The following ZPLD1 variants were observed in gnomAD, a reference collection of about 807,000 sequenced individuals.
ZPLD1 encodes the protein zona pellucida-like domain-containing protein 1.
Under a neutral mutation model 47.2 loss-of-function variants are expected in ZPLD1, and 34 were observed. The observed-to-expected ratio is 0.72, with a 90% confidence interval of 0.55 to 0.96. The LOEUF (loss-of-function observed/expected upper bound fraction) is 0.96, where lower values mean the gene tolerates loss of function less well. Ranked by LOEUF, ZPLD1 falls within the 40% of genes least tolerant of loss-of-function variation. The pLI is 0.00. For synonymous variants in ZPLD1, 176 were observed against 186.2 expected, an observed-to-expected ratio of 0.95 and a Z score of 0.45; for missense variants, 512 against 505.8, an observed-to-expected ratio of 1.01 and a Z score of -0.12.
At chr3:102,450,249 C>T (rs1707315556) in intron 3 of ZPLD1, among the ~76,000 whole-genome samples, 1 of 152,168 alleles carries the variant, frequency 6.6e-6, no homozygotes, top group Non-Finnish European at 1.5e-5. Context: ...AAATGCCGTA[C>T]TGAGGAATAA....
intron 7 of ZPLD1, among the ~76,000 whole-genome samples, chr3:102,399,386 TG>T (rs1706594263): frequency 6.6e-6 from 1 of 152,102 alleles, no homozygotes; most frequent in Non-Finnish European, 1.5e-5. Context: ...ACTTCAGTCA[TG>T]GGTGGCCTTC....
intron 7 of ZPLD1, among the ~76,000 whole-genome samples, chr3:102,463,943 G>C (rs985233632): frequency 6.6e-6 from 1 of 151,552 alleles, no homozygotes; most frequent in Non-Finnish European, 1.5e-5. Context: ...CCAGCTACTC[G>C]GGAGGCTGAG....
intron 7 of ZPLD1, among the ~76,000 whole-genome samples, chr3:102,408,166 C>T (rs1706712540): frequency 6.6e-6 from 1 of 151,810 alleles, no homozygotes; most frequent in Admixed American, 6.6e-5. Flanking sequence ...TTTAGTTTTG[C>T]CATCCTTACA....
chr3:102,446,915 A>T (rs185225755), intron 3 of ZPLD1, among the ~76,000 whole-genome samples: 1 of 152,338 alleles, frequency 6.6e-6, no homozygotes, highest in African/African-American at 2.4e-5. Flanking sequence ...AGAGACTGGC[A>T]CATGATATGT....
rs143580253 is a variant in ZPLD1 at position 102,439,369 on chromosome 3, G to C, written c.106+776G>C. On this transcript the variant is annotated intron_variant, in intron 3 of 11. Transcript: ENST00000466937. Reference sequence around the variant, plus strand: ...GCAAACCTGCATAGAGCAATCAGTAGGTAGTTACATAGATAAAGTGCGATT... The same window carrying C: ...GCAAACCTGCATAGAGCAATCAGTACGTAGTTACATAGATAAAGTGCGATT... Among the ~76,000 whole-genome samples the C allele has an allele frequency of 3.2e-3, 481 of 152,312 alleles. 4 individuals are homozygous for C. Among genetic ancestry groups the C allele is most frequent in the African/African-American group, 0.011 (473 of 41,564 alleles).
At chr3:102,427,520 A>G (rs1269099251) in intron 8 of ZPLD1, among the ~76,000 whole-genome samples, 1 of 152,224 alleles carries the variant, frequency 6.6e-6, no homozygotes, top group Non-Finnish European at 1.5e-5. Flanking sequence ...CTACATTCTG[A>G]TAAAGGAGGT....
chr3:102,452,198 C>G (rs1453999112), intron 3 of ZPLD1, among the ~76,000 whole-genome samples: 1 of 150,130 alleles, frequency 6.7e-6, no homozygotes, highest in Non-Finnish European at 1.5e-5. Context: ...TCACAGATAA[C>G]CCATGGAGTC....
intron 7 of ZPLD1, among the ~76,000 whole-genome samples, chr3:102,399,820 GTTTA>G (rs1004552835): frequency 6.6e-6 from 1 of 151,778 alleles, no homozygotes; most frequent in Non-Finnish European, 1.5e-5. Flanking sequence ...TTGTTTGTTT[GTTTA>G]TTTATTTATT....
rs375178477 is a variant in ZPLD1, at chr3:102,388,112, G to C, written c.-213+2795G>C. Among the ~76,000 whole-genome samples the C allele has an allele frequency of 2.0e-5, 3 of 151,832 alleles. No homozygotes were observed. In the South Asian group the frequency reaches 6.2e-4, roughly 32 times the overall value. On this transcript the variant is annotated intron_variant, in intron 6 of 17. Transcript: ENST00000491959. ...CCTGACCTCGTGATCCGCCCGCCTC[G>C]GCCTCCCAAAGTGCTGGGATTACAG...
intron 4 of ZPLD1, among the ~76,000 whole-genome samples, chr3:102,455,052 G>GCT (rs1020624439): frequency 7.2e-5 from 11 of 152,144 alleles, no homozygotes; most frequent in Non-Finnish European, 1.3e-4. Flanking sequence ...AATTAAGTTG[G>GCT]CTACTAAGTC....
At chr3:102,451,434 A>G (rs1707335479) in intron 3 of ZPLD1, among the ~76,000 whole-genome samples, 1 of 152,196 alleles carries the variant, frequency 6.6e-6, no homozygotes, top group Non-Finnish European at 1.5e-5. Flanking sequence ...TTGTTTCTAC[A>G]TGTTGAAAAC....
At chr3:102,390,586 G>A (rs1405367682) in intron 6 of ZPLD1, among the ~76,000 whole-genome samples, 1 of 152,200 alleles carries the variant, frequency 6.6e-6, no homozygotes, top group African/African-American at 2.4e-5. Flanking sequence ...AAGCCTGTCA[G>A]TTCCTCTACA....
intron 7 of ZPLD1, among the ~76,000 whole-genome samples, chr3:102,417,702 C>T (rs893538247): frequency 6.6e-6 from 1 of 151,888 alleles, no homozygotes; most frequent in Non-Finnish European, 1.5e-5. Context: ...GCATCTTTCA[C>T]GAAGCACAAC....
chr3:102,421,199 CAG>C (rs1471049827), intron 8 of ZPLD1, among the ~76,000 whole-genome samples: 2 of 151,752 alleles, frequency 1.3e-5, no homozygotes, highest in Non-Finnish European at 3.0e-5. Flanking sequence ...TGAGAAAAGC[CAG>C]AGTTACAACT....
At chr3:102,399,133 G>A (rs900804587) in intron 7 of ZPLD1, among the ~76,000 whole-genome samples, 5 of 152,066 alleles carry the variant, frequency 3.3e-5, no homozygotes, top group African/African-American at 1.2e-4. Flanking sequence ...TTTCTTGCGT[G>A]GACTGCTGCA....
intron 6 of ZPLD1, among the ~76,000 whole-genome samples, chr3:102,459,951 C>T (rs1707480700): frequency 6.6e-6 from 1 of 152,006 alleles, no homozygotes; most frequent in African/African-American, 2.4e-5. Flanking sequence ...CTCATCATTG[C>T]TGTATAATAC....
At chr3:102,436,565 C>A (rs1233042002) in intron 1 of ZPLD1, among the ~76,000 whole-genome samples, 1 of 152,140 alleles carries the variant, frequency 6.6e-6, no homozygotes, top group African/African-American at 2.4e-5. Context: ...ACTTTACTAT[C>A]AGAAAGACTT....
intron 6 of ZPLD1, among the ~76,000 whole-genome samples, chr3:102,388,018 G>A (rs865926985): frequency 2.0e-5 from 3 of 151,730 alleles, no homozygotes; most frequent in East Asian, 3.9e-4. Context: ...CCGCCACCAC[G>A]CCCAGCTAAT....
intron 3 of ZPLD1, among the ~76,000 whole-genome samples, chr3:102,450,268 T>A (rs543989591): frequency 1.3e-5 from 2 of 152,288 alleles, no homozygotes; most frequent in South Asian, 4.1e-4. Context: ...AATTTACATA[T>A]AATAAGATGT....
Sources: allele counts gnomAD v4.1 joint callset (sites outside exome capture counted in the v4.1 genomes callset), GRCh38; gene constraint gnomAD v4.1.1; transcripts MANE v1.5; gene names NCBI Gene and HGNC (gene_info 2026-07-23, HGNC 2026-07-21).